The following RFTN1 variants were observed in gnomAD, a reference collection of about 807,000 sequenced individuals.
The protein encoded by RFTN1 is raftlin, lipid raft linker 1.
In RFTN1, 26 loss-of-function variants were observed where a neutral mutation model predicts 46.5. That is an observed-to-expected ratio of 0.56 (90% CI 0.41 to 0.78). RFTN1 has a LOEUF of 0.78. Among genes scored for constraint, RFTN1 ranks in the 30% least tolerant of loss-of-function variants. RFTN1 has a pLI of 0.00. For synonymous variants in RFTN1, 261 were observed against 284.2 expected (o/e 0.92, Z 0.82); for missense variants, 693 against 718.7 (o/e 0.96, Z 0.41).
intron 2 of RFTN1, among the ~76,000 whole-genome samples, chr3:16,488,502 A>G (rs1338407893): frequency 6.6e-6 from 1 of 152,228 alleles, no homozygotes; most frequent in Admixed American, 6.5e-5. Flanking sequence ...AGAGTCAAAT[A>G]AGCATCGTCT....
rs1280392912 is a variant in RFTN1 at position 16,342,742 on chromosome 3, A to G, written c.1146+15190T>C. 6.6e-6 allele frequency among the ~76,000 whole-genome samples: 1 copy of G among 152,252 alleles called. No homozygotes were observed. ...CTTCACCCGAAAAGGATGTTTAAAG[A>G]GGCCACTGATTTAAAAGCTCTGTGT... On this transcript the variant is annotated intron_variant, in intron 7 of 9. Coordinates refer to ENST00000334133, the MANE Select transcript of RFTN1 (RefSeq NM_015150.2). This position sits in a 1 kb window ranked among gnomAD's most constrained non-coding sequence, Gnocchi z 4.0.
chr3:16,505,294 T>C (rs371058574), intron 1 of RFTN1, among the ~76,000 whole-genome samples: 17 of 152,212 alleles, frequency 1.1e-4, no homozygotes, highest in African/African-American at 4.1e-4. Context: ...GAAGTCAGGC[T>C]AAGCTACTGC....
chr3:16,332,284 A>G (rs531715811), intron 7 of RFTN1, among the ~76,000 whole-genome samples: 1 of 151,474 alleles, frequency 6.6e-6, no homozygotes. Context: ...ACCTTCCCCC[A>G]CAGTTTTCTT....
In RFTN1 at chr3:16,353,394, C is replaced by T. The variant is rs1466002973; in HGVS notation, c.1146+4538G>A. On this transcript the variant is annotated intron_variant, in intron 7 of 9. Coordinates refer to ENST00000334133, the MANE Select transcript of RFTN1 (RefSeq NM_015150.2). This position sits in a 1 kb window ranked among gnomAD's most constrained non-coding sequence, Gnocchi z 5.4. ...GGAGCCTCTTCAAAGAGCTGAGGTG[C>T]GGGGGAACCTGTCCCGGACTGGACA... 1.3e-5 allele frequency among the ~76,000 whole-genome samples: 2 copies of T among 152,126 alleles called. No individual in the cohort carries two copies. Among genetic ancestry groups the T allele is most frequent in the African/African-American group, 4.8e-5 (2 of 41,410 alleles).
At chr3:16,493,626 G>C in intron 2 of RFTN1, 99 bp downstream of exon 2, 1 of 1,146,542 alleles carries the variant, frequency 8.7e-7, no homozygotes, top group South Asian at 1.6e-5. Context: ...TTTCTTCACA[G>C]CCCCCACCCC....
At chr3:16,482,245 C>T (rs1255765173) in intron 2 of RFTN1, among the ~76,000 whole-genome samples, 1 of 152,076 alleles carries the variant, frequency 6.6e-6, no homozygotes, top group Non-Finnish European at 1.5e-5. Context: ...TTGTCAGGCT[C>T]CCTATTTGTC....
rs1252422874 is a variant in RFTN1 at position 16,475,914 on chromosome 3, C to T, written c.145+17811G>A. ...AATTTATGCCACCCAGAGACAGACA[C>T]CATGCCAACTGGGACTTTTTGTCTT... is the stretch of plus-strand genomic sequence containing the variant. On this transcript the variant is annotated intron_variant, in intron 2 of 9. Transcript: ENST00000334133. This position sits in a 1 kb window ranked among gnomAD's most constrained non-coding sequence, Gnocchi z 4.2. Among the ~76,000 whole-genome samples the T allele has an allele frequency of 2.6e-5, 4 of 152,202 alleles. No homozygotes were observed. The highest frequency in any genetic ancestry group is 9.7e-5 in the African/African-American group (4 of 41,448).
Position 16,361,976 on chromosome 3 carries a change from T to C in RFTN1, c.1031-3929A>G, listed in dbSNP as rs114314985. On this transcript the variant is annotated intron_variant, in intron 6 of 9. Transcript: ENST00000334133. This position sits in a 1 kb window ranked among gnomAD's most constrained non-coding sequence, Gnocchi z 4.3. Reference sequence around the variant, plus strand: ...ATCTGCCAGAGTAAATTGTTACCATTGTAAGCCAATGAGTTCTGAAGTGGT... The same window carrying C: ...ATCTGCCAGAGTAAATTGTTACCATCGTAAGCCAATGAGTTCTGAAGTGGT... 0.011 allele frequency among the ~76,000 whole-genome samples: 1,607 copies of C among 152,326 alleles called. 34 individuals are homozygous for C. The highest frequency in any genetic ancestry group is 0.038 in the African/African-American group (1,569 of 41,556).
At chr3:16,490,658 G>T (rs1240260706) in intron 2 of RFTN1, among the ~76,000 whole-genome samples, 3 of 152,188 alleles carry the variant, frequency 2.0e-5, no homozygotes, top group African/African-American at 7.2e-5. Flanking sequence ...TAATTCCTGA[G>T]GAAATAGTCA....
rs528959075 is a variant in RFTN1 at position 16,358,962 on chromosome 3, G to A, written c.1031-915C>T. 3.2e-3 allele frequency among the ~76,000 whole-genome samples: 482 copies of A among 150,916 alleles called. 3 individuals are homozygous for A. Among genetic ancestry groups the A allele is most frequent in the Non-Finnish European group, 4.4e-3 (297 of 67,824 alleles). On this transcript the variant is annotated intron_variant, in intron 6 of 9. Transcript: ENST00000334133. ...CAGGAGAATCGCTTGAACCGGGGAG[G>A]TGGAGGTTGCAGTGAGCCGAGATAG... is the stretch of plus-strand genomic sequence containing the variant.
intron 2 of RFTN1, among the ~76,000 whole-genome samples, chr3:16,435,559 A>G (rs987138006): frequency 3.9e-5 from 6 of 152,176 alleles, no homozygotes; most frequent in African/African-American, 1.4e-4. Flanking sequence ...AACAAGAGCT[A>G]AACTCCGTCT....
At chr3:16,379,071 C>T (rs1280989736) in intron 4 of RFTN1, among the ~76,000 whole-genome samples, 3 of 152,208 alleles carry the variant, frequency 2.0e-5, no homozygotes, top group African/African-American at 4.8e-5. Flanking sequence ...ATAAATAAGG[C>T]GGTGCAGACC....
intron 2 of RFTN1, among the ~76,000 whole-genome samples, chr3:16,435,394 C>A (rs902459725): frequency 2.6e-5 from 4 of 151,918 alleles, no homozygotes; most frequent in Admixed American, 6.6e-5. Flanking sequence ...CATGATGAAA[C>A]CCCATCTCTG....
Position 16,502,058 on chromosome 3 carries a change from C to T in RFTN1, c.-8-8181G>A, listed in dbSNP as rs2076719054. Among the ~76,000 whole-genome samples the T allele has an allele frequency of 3.3e-5, 5 of 152,144 alleles. No individual in the cohort carries two copies. In the South Asian group the frequency reaches 1.0e-3, roughly 31 times the overall value. The stretch of plus-strand genomic sequence containing the variant: ...TTTTTCTGAGTCATGACACTATGGG[C>T]TACATTTTCAAGTTTTCTTTGTTGA... On this transcript the variant is annotated intron_variant, in intron 1 of 9. Transcript: ENST00000334133.
Position 16,474,379 on chromosome 3 carries a change from T to A in RFTN1, c.145+19346A>T, listed in dbSNP as rs184096061. Among the ~76,000 whole-genome samples the A allele has an allele frequency of 1.1e-4, 17 of 152,328 alleles. No individual in the cohort carries two copies. The highest frequency in any genetic ancestry group is 1.6e-4 in the Non-Finnish European group (11 of 68,018). The stretch of plus-strand genomic sequence containing the variant: ...CTTTTAATCACTCTGCCAGCACTAT[T>A]CCCTGACATGCAGGGTGATGGACTG... On this transcript the variant is annotated intron_variant, in intron 2 of 9. Coordinates refer to ENST00000334133, the MANE Select transcript of RFTN1 (RefSeq NM_015150.2). This position sits in a 1 kb window ranked among gnomAD's most constrained non-coding sequence, Gnocchi z 5.5.
At chr3:16,389,173 G>A (rs1186167096) in intron 4 of RFTN1, among the ~76,000 whole-genome samples, 1 of 152,168 alleles carries the variant, frequency 6.6e-6, no homozygotes, top group African/African-American at 2.4e-5. Context: ...ATGTTGAGAT[G>A]GTGCCATTGG....
chr3:16,328,159 C>T (rs1574985675), intron 7 of RFTN1, among the ~76,000 whole-genome samples: 1 of 152,248 alleles, frequency 6.6e-6, no homozygotes, highest in African/African-American at 2.4e-5. Flanking sequence ...AACCTAAGGG[C>T]TCTCTGGCAG....
Position 16,424,021 on chromosome 3 carries a change from T to G in RFTN1, c.332+9830A>C, listed in dbSNP as rs570009967. 1.3e-5 allele frequency among the ~76,000 whole-genome samples: 2 copies of G among 152,224 alleles called. No individual in the cohort carries two copies. The highest frequency in any genetic ancestry group is 3.9e-4 in the East Asian group (2 of 5,182). On this transcript the variant is annotated intron_variant, in intron 3 of 9. Transcript: ENST00000334133. The surrounding 1 kb of genome is among the most constrained non-coding windows in gnomAD (Gnocchi z 4.7). ...CAGCCAGCCTGCTGAATGGGGCCAT[T>G]TGGGGAGCTCTAAGTGGTTTGCAGT...
In RFTN1 at chr3:16,504,911, G is replaced by A. The variant is rs2115581; in HGVS notation, c.-9+8531C>T. 0.39 allele frequency among the ~76,000 whole-genome samples: 58,883 copies of A among 151,834 alleles called. 11,670 individuals are homozygous for A. Among genetic ancestry groups the A allele is most frequent in the South Asian group, 0.52 (2,521 of 4,804 alleles). On this transcript the variant is annotated intron_variant, in intron 1 of 9. Transcript: ENST00000334133. The surrounding 1 kb of genome is among the most constrained non-coding windows in gnomAD (Gnocchi z 4.4). ...GCTTGCTCTTCCTCCTGCATTTCTC[G>A]TCTCTGGGTGGTACCACTGCCCTCC...
Sources: allele counts gnomAD v4.1 joint callset (sites outside exome capture counted in the v4.1 genomes callset), GRCh38; gene constraint gnomAD v4.1.1; non-coding constraint Gnocchi (gnomAD v3.1); transcripts MANE v1.5; gene names NCBI Gene and HGNC (gene_info 2026-07-23, HGNC 2026-07-21).